Variants in UTP20 observed in about 807,000 individuals in gnomAD.
The protein encoded by UTP20 is small subunit processome component 20 homolog.
In UTP20, 164 loss-of-function variants were observed where a neutral mutation model predicts 329.5. That is an observed-to-expected ratio of 0.50 (90% CI 0.44 to 0.57). UTP20 has a LOEUF of 0.57. UTP20 is among the 20% of genes least tolerant of loss of function. The pLI is 0.00. For synonymous variants in UTP20, 1,151 were observed against 1,159.3 expected (o/e 0.99, Z 0.14); for missense variants, 3,055 against 3,284.2 (o/e 0.93, Z 1.71).
At chr12:101,284,519 C>T (rs532739541) in intron 2 of UTP20, among the ~76,000 whole-genome samples, 84 of 152,104 alleles carry the variant, frequency 5.5e-4, no homozygotes, top group African/African-American at 1.9e-3. Context: ...AATTCAATGT[C>T]TTTGCTATTG....
intron 50 of UTP20, 51 bp from the exon 51 acceptor site, chr12:101,371,007 A>C (rs745579894): frequency 6.5e-7 from 1 of 1,532,728 alleles, no homozygotes; most frequent in African/African-American, 1.4e-5. Flanking sequence ...GCTTCCACGC[A>C]TCTGCAGCAA....
At chr12:101,336,850 C>T (rs1045997930) in intron 29 of UTP20, among the ~76,000 whole-genome samples, 4 of 152,206 alleles carry the variant, frequency 2.6e-5, no homozygotes, top group African/African-American at 9.6e-5. Flanking sequence ...ATGTAGCATG[C>T]TCATTGTACT....
chr12:101,323,670 A>G (rs1401826972), intron 25 of UTP20, among the ~76,000 whole-genome samples: 2 of 152,106 alleles, frequency 1.3e-5, no homozygotes, highest in East Asian at 1.9e-4. Flanking sequence ...TGTATTTTCT[A>G]AAACCAGGTA....
intron 37 of UTP20, 81 bp from the exon 38 acceptor site, chr12:101,346,370 A>G: frequency 2.1e-6 from 3 of 1,462,376 alleles, no homozygotes; most frequent in Non-Finnish European, 1.8e-6. Context: ...TCTTTTTATG[A>G]AAAGAGAATA....
At chr12:101,326,857 G>A in intron 25 of UTP20, 1 of 330,594 alleles carries the variant, frequency 3.0e-6, no homozygotes, top group Non-Finnish European at 5.4e-6. Context: ...TCAGGTAGCT[G>A]GGACTACAGG....
rs369208113 is a variant in UTP20 at position 101,374,894 on chromosome 12, C to T, written c.7218C>T (p.Val2406=). The change falls in exon 55 of 62, where the codon GTC becomes GTT. Residue 2406 remains valine (V), a synonymous_variant. Transcript: ENST00000261637. ...GVDFEKRLGT[V]LPVIEKEIDP... is the part of the protein sequence containing the mutation. ...ATTTTGAGAAAAGACTTGGAACTGT[C>T]CTTCCTGTGATTGAAAAGGAAATTG... 146 of 1,609,426 alleles carry T rather than the reference C, an allele frequency of 9.1e-5. No homozygotes were observed. The highest frequency in any genetic ancestry group is 1.2e-4 in the Non-Finnish European group (143 of 1,175,892).
chr12:101,361,747 A>T (rs1304807938), intron 43 of UTP20, among the ~76,000 whole-genome samples: 1 of 152,144 alleles, frequency 6.6e-6, no homozygotes, highest in East Asian at 1.9e-4. Flanking sequence ...AGATCCTAAG[A>T]ATGGTAGTGG....
In UTP20 at chr12:101,342,822, T is replaced by G. The variant is rs908634267; in HGVS notation, c.4281T>G (p.Ile1427Met). The change falls in exon 34 of 62, where the codon ATT becomes ATG. Residue 1427 changes from isoleucine (I) to methionine (M), a missense_variant. Ile to Met is a conservative substitution (Grantham distance 10). Transcript: ENST00000261637. ...ATTTTGAGAGTGGGTTAAAATATATTACTGATGTTGTCAAGGTAAGAAAGA... is the reference window on the plus strand; with the variant it reads ...ATTTTGAGAGTGGGTTAAAATATATGACTGATGTTGTCAAGGTAAGAAAGA... ...LSDFESGLKY[I>M]TDVVKLNAFD... 20 of 1,613,348 alleles carry G rather than the reference T, an allele frequency of 1.2e-5. No individual in the cohort carries two copies. The highest frequency in any genetic ancestry group is 1.5e-5 in the Non-Finnish European group (18 of 1,179,656).
At chr12:101,290,952 T>C (rs1258534260) in intron 8 of UTP20, 64 bp downstream of exon 8, 10 of 1,526,316 alleles carry the variant, frequency 6.6e-6, no homozygotes, top group Non-Finnish European at 8.8e-6. Context: ...GTTTCTGCTC[T>C]CAGTTTTGCA....
chr12:101,322,761 C>A (rs1868408463), intron 25 of UTP20, among the ~76,000 whole-genome samples: 2 of 152,060 alleles, frequency 1.3e-5, no homozygotes, highest in African/African-American at 4.8e-5. Context: ...CATTAAGATT[C>A]CATTTATAGC....
At chr12:101,367,112 T>C (rs995618026) in intron 47 of UTP20, among the ~76,000 whole-genome samples, 12 of 151,838 alleles carry the variant, frequency 7.9e-5, no homozygotes, top group African/African-American at 2.9e-4. Context: ...AGACTCTATC[T>C]CTACAAAAAA....
Position 101,385,569 on chromosome 12 carries a change from TTG to T in UTP20, c.8057-7_8057-6del, listed in dbSNP as rs1302194769. ...CCTACCTGTCTCTGATCATTACTCT[TTG>T]TGTGTGATTAGATCCTTTGCTGAAG... On this transcript the variant is annotated splice_polypyrimidine_tract_variant and intron_variant, in intron 60 of 61. Transcript: ENST00000261637. 4 of 1,605,258 alleles carry T rather than the reference TTG, an allele frequency of 2.5e-6. No individual in the cohort carries two copies. The highest frequency in any genetic ancestry group is 2.2e-5 in the East Asian group (1 of 44,804).
At chr12:101,317,715 G>A (rs1873021413) in intron 22 of UTP20, 52 bp downstream of exon 22, 1 of 1,525,022 alleles carries the variant, frequency 6.6e-7, no homozygotes, top group Non-Finnish European at 8.8e-7. Context: ...GGGAGGAACA[G>A]GAAGAGGTCT....
chr12:101,356,007 C>T (rs1443306889), intron 41 of UTP20, among the ~76,000 whole-genome samples: 2 of 152,158 alleles, frequency 1.3e-5, no homozygotes, highest in East Asian at 3.8e-4. Flanking sequence ...AAAAGTAGAA[C>T]ATTCTTACAC....
chr12:101,294,679 A>G (rs1329971321), intron 11 of UTP20, among the ~76,000 whole-genome samples: 4 of 151,444 alleles, frequency 2.6e-5, no homozygotes, highest in Admixed American at 2.6e-4. Flanking sequence ...AGTAGCTGGG[A>G]TTACAGTCAT....
chr12:101,332,910 A>G (rs1178490574), intron 27 of UTP20, among the ~76,000 whole-genome samples: 1 of 152,198 alleles, frequency 6.6e-6, no homozygotes, highest in Non-Finnish European at 1.5e-5. Context: ...CCCTAATATA[A>G]GGCATTATGT....
intron 15 of UTP20, among the ~76,000 whole-genome samples, chr12:101,303,800 A>G (rs1252740054): frequency 3.9e-5 from 6 of 152,224 alleles, no homozygotes; most frequent in African/African-American, 7.2e-5. Flanking sequence ...GGGGAATACT[A>G]TAATAATCTG....
rs756020762 is a variant in UTP20, at chr12:101,321,669, TAACA to T, written c.3041+45_3041+48del. The T allele has an allele frequency of 4.9e-4, 779 of 1,600,842 alleles. 2 individuals are homozygous for T. The highest frequency in any genetic ancestry group is 2.9e-3 in the Middle Eastern group (17 of 5,832). On this transcript the variant is annotated intron_variant, in intron 25 of 61. Coordinates refer to ENST00000261637, the MANE Select transcript of UTP20 (RefSeq NM_014503.3). ...CAAACACTGATTTTTAAAAAGTTAA[TAACA>T]AACACAATTGTGAGTACAGTATTAT... is the stretch of plus-strand genomic sequence containing the variant.
chr12:101,385,338 G>A (rs900622022), intron 60 of UTP20, among the ~76,000 whole-genome samples: 1 of 152,118 alleles, frequency 6.6e-6, no homozygotes, highest in African/African-American at 2.4e-5. Flanking sequence ...GGTGGTGGCT[G>A]GAGTGCTATG....
Sources: allele counts gnomAD v4.1 joint callset (sites outside exome capture counted in the v4.1 genomes callset), GRCh38; gene constraint gnomAD v4.1.1; transcripts MANE v1.5; gene names NCBI Gene and HGNC (gene_info 2026-07-23, HGNC 2026-07-21).